Variants in LRRC72 observed in about 807,000 individuals in gnomAD.
LRRC72 encodes the protein leucine-rich repeat-containing protein 72.
A neutral mutation model predicts 35.8 loss-of-function variants in LRRC72; 41 were observed. The observed-to-expected ratio is 1.15, with a 90% CI of 0.89 to 1.49. The LOEUF (loss-of-function observed/expected upper bound fraction) is 1.49, where lower values mean the gene tolerates loss of function less well. Among genes scored for constraint, LRRC72 ranks in the 40% most tolerant of loss-of-function variants. The probability of loss-of-function intolerance (pLI) is 0.00; values close to 1 mark genes in which losing one functional copy is unlikely to be tolerated. For synonymous variants in LRRC72, 118 were observed against 119.2 expected (o/e 0.99, Z 0.07); for missense variants, 389 against 330.7 (o/e 1.18, Z -1.37).
At chr7:16,563,999 A>T (rs1364338960) in intron 5 of LRRC72, among the ~76,000 whole-genome samples, 1 of 152,218 alleles carries the variant, frequency 6.6e-6, no homozygotes, top group Non-Finnish European at 1.5e-5. Flanking sequence ...TTAAATTTCC[A>T]TATAGAAGTT....
At chr7:16,547,746 G>A (rs1443664868) in intron 3 of LRRC72, among the ~76,000 whole-genome samples, 1 of 152,260 alleles carries the variant, frequency 6.6e-6, no homozygotes, top group Non-Finnish European at 1.5e-5. Flanking sequence ...CAGACTTTGG[G>A]CGCCAAGAAG....
chr7:16,547,954 T>C (rs1406917032), intron 3 of LRRC72, among the ~76,000 whole-genome samples: 1 of 152,234 alleles, frequency 6.6e-6, no homozygotes, highest in African/African-American at 2.4e-5. Flanking sequence ...GCCAGTCCCA[T>C]GGACCAGAGT....
chr7:16,578,209 T>C (rs1783077274), intron 7 of LRRC72, among the ~76,000 whole-genome samples: 1 of 152,184 alleles, frequency 6.6e-6, no homozygotes. Context: ...TAATCCATAA[T>C]ATATTTGGAG....
intron 3 of LRRC72, among the ~76,000 whole-genome samples, chr7:16,544,063 A>G (rs1782404270): frequency 1.3e-5 from 2 of 152,242 alleles, no homozygotes; most frequent in African/African-American, 4.8e-5. Flanking sequence ...CCCCTGCTCT[A>G]GTGATAAAAT....
rs1407507889 is a variant in LRRC72, at chr7:16,532,516, A to C, written c.112A>C (p.Ile38Leu). ...TCAGGCAGTTGAAGATCAGCTAAAGATATGTGGCCACAGGAGGGATGCTGA... is the reference window on the plus strand; with the variant it reads ...TCAGGCAGTTGAAGATCAGCTAAAGCTATGTGGCCACAGGAGGGATGCTGA... ...SRRAVEDQLK[I>L]CGHRRDADVF... is the part of the protein sequence containing the mutation. The change falls in exon 2 of 9, where the codon ATA (isoleucine) becomes CTA (leucine). Residue 38 changes from isoleucine (I) to leucine (L), a missense_variant. Physicochemically the swap from Ile to Leu is conservative, Grantham distance 5. Transcript: ENST00000401542. 6.5e-7 allele frequency: 1 copy of C among 1,550,040 alleles called. No homozygotes were observed. The highest frequency in any genetic ancestry group is 8.7e-7 in the Non-Finnish European group (1 of 1,146,514).
chr7:16,544,583 A>G (rs2128335779), intron 3 of LRRC72, among the ~76,000 whole-genome samples: 1 of 152,314 alleles, frequency 6.6e-6, no homozygotes, highest in South Asian at 2.1e-4. Context: ...CTCTCATGAA[A>G]GGTTGAGTTA....
Position 16,567,411 on chromosome 7 carries a change from A to G in LRRC72, c.538A>G (p.Arg180Gly). The G allele has an allele frequency of 6.7e-7, 1 of 1,496,616 alleles. No individual in the cohort carries two copies. Among genetic ancestry groups the G allele is most frequent in the Non-Finnish European group, 8.9e-7 (1 of 1,123,782 alleles). 92.7% of individuals were successfully genotyped at this position (1,496,616 alleles called of 1,614,324 possible). The part of the protein sequence containing the change: ...DRNQVTEKER[R>G]SMITIFNHKK... The stretch of plus-strand genomic sequence containing the variant: ...ATCAGAAGTTACAGAAAAAGAAAGA[A>G]GATCAATGATTACCATTTTTAACCA... The change falls in exon 7 of 9, where the codon AGA (arginine) becomes GGA (glycine). Residue 180 changes from arginine (R) to glycine (G), a missense_variant. Arg to Gly is a moderately radical substitution (Grantham distance 125). Transcript: ENST00000401542.
At chr7:16,559,844 A>T (rs1320438032) in intron 5 of LRRC72, among the ~76,000 whole-genome samples, 1 of 152,172 alleles carries the variant, frequency 6.6e-6, no homozygotes, top group Non-Finnish European at 1.5e-5. Flanking sequence ...AAGCTGGGTG[A>T]ACAGTGTGAT....
At chr7:16,567,348 A>T in intron 6 of LRRC72, 43 bp from the exon 7 acceptor site, 1 of 1,298,208 alleles carries the variant, frequency 7.7e-7, no homozygotes. Context: ...CACTCCGCCT[A>T]TTTATAATGT....
chr7:16,564,334 C>G (rs1467942448), intron 5 of LRRC72, among the ~76,000 whole-genome samples: 1 of 152,052 alleles, frequency 6.6e-6, no homozygotes, highest in Non-Finnish European at 1.5e-5. Context: ...GAAGAGGGTC[C>G]TTTTCTTTAC....
intron 7 of LRRC72, among the ~76,000 whole-genome samples, chr7:16,570,897 C>G (rs1444269595): frequency 6.6e-6 from 1 of 152,092 alleles, no homozygotes; most frequent in East Asian, 1.9e-4. Flanking sequence ...AAACCAGAAT[C>G]TAGTCAAGAT....
intron 4 of LRRC72, among the ~76,000 whole-genome samples, chr7:16,557,784 A>G (rs1371808401): frequency 6.6e-6 from 1 of 152,196 alleles, no homozygotes; most frequent in South Asian, 2.1e-4. Flanking sequence ...TTTATTGGCT[A>G]TATGTTCTAC....
At position 16,557,419 on chromosome 7, in the gene LRRC72, C is replaced by T. The variant is rs867585838; in HGVS notation, c.294C>T (p.Asn98=). 7.7e-7 allele frequency: 1 copy of T among 1,301,726 alleles called. No homozygotes were observed. The highest frequency in any genetic ancestry group is 1.9e-4 in the Middle Eastern group (1 of 5,200). The allele number at this position is 1,301,726 out of a possible 1,614,324, so 80.6% of individuals were successfully genotyped here. The change falls in exon 4 of 9, where the codon AAC becomes AAT. Residue 98 remains asparagine, a synonymous_variant. Coordinates refer to ENST00000401542, the MANE Select transcript of LRRC72 (RefSeq NM_001195280.2). ...GTCTGACAGAACTATATCTAAACAA[C>T]AATGCAATATTTGAGATAGAAGGTA... ...NYCLTELYLN[N]NAIFEIEGLH...
chr7:16,565,030 G>A (rs1782804717), intron 5 of LRRC72, among the ~76,000 whole-genome samples: 1 of 152,174 alleles, frequency 6.6e-6, no homozygotes, highest in Non-Finnish European at 1.5e-5. Flanking sequence ...TTTATTGAGT[G>A]AAGGAGTTGT....
intron 5 of LRRC72, among the ~76,000 whole-genome samples, chr7:16,562,571 T>A (rs993432968): frequency 6.6e-6 from 1 of 152,318 alleles, no homozygotes; most frequent in African/African-American, 2.4e-5. Context: ...AGTTCCTCCT[T>A]TCGAGAGAGG....
At chr7:16,568,620 AAATT>A (rs1274580987) in intron 7 of LRRC72, among the ~76,000 whole-genome samples, 1 of 152,228 alleles carries the variant, frequency 6.6e-6, no homozygotes, top group Non-Finnish European at 1.5e-5. Context: ...ACTGATAAAT[AAATT>A]CTTAGACTGA....
intron 3 of LRRC72, among the ~76,000 whole-genome samples, chr7:16,544,143 C>T (rs139580926): frequency 2.6e-5 from 4 of 152,258 alleles, no homozygotes; most frequent in Non-Finnish European, 5.9e-5. Context: ...TGGAATGAGA[C>T]AACACAGTTG....
intron 5 of LRRC72, among the ~76,000 whole-genome samples, chr7:16,562,162 T>A (rs1317155606): frequency 6.6e-6 from 1 of 152,170 alleles, no homozygotes; most frequent in East Asian, 1.9e-4. Flanking sequence ...CTGGAATTCC[T>A]GTCTTCAGGC....
intron 7 of LRRC72, among the ~76,000 whole-genome samples, chr7:16,572,465 C>T (rs569835058): frequency 6.6e-6 from 1 of 152,230 alleles, no homozygotes; most frequent in African/African-American, 2.4e-5. Flanking sequence ...ATGATCAAGC[C>T]AGCTTCATCC....
Sources: gnomAD v4.1 joint callset for allele counts (sites outside exome capture counted in the v4.1 genomes callset) on GRCh38, gnomAD v4.1.1 for gene constraint, MANE v1.5 for transcripts, NCBI Gene and HGNC (gene_info 2026-07-23, HGNC 2026-07-21) for gene names.